Variants in GCFC2 observed in about 807,000 individuals in gnomAD.
GCFC2 encodes the protein GC-rich sequence DNA-binding factor 2, also known as intron Large complex component GCFC2.
GCFC2 carries 102 observed loss-of-function variants against 99.4 expected under a neutral mutation model. That is an observed-to-expected ratio of 1.03 (90% CI 0.87 to 1.21). The LOEUF is 1.21. GCFC2 is among the 50% of genes most tolerant of loss of function. The pLI, the probability that GCFC2 is intolerant of heterozygous loss-of-function variation, is 0.00. For synonymous variants in GCFC2, 338 were observed against 316.8 expected (o/e 1.07, Z -0.71); for missense variants, 973 against 920.9 (o/e 1.06, Z -0.73).
chr2:75,670,112 A>T (rs1679024993), intron 15 of GCFC2, 26 bp downstream of exon 15: 2 of 1,486,876 alleles, frequency 1.3e-6, no homozygotes, highest in Non-Finnish European at 1.8e-6. Context: ...TGATAAAATT[A>T]GAATCAGTCT....
At chr2:75,701,359 T>A in intron 3 of GCFC2, 72 bp from the exon 4 acceptor site, 1 of 836,830 alleles carries the variant, frequency 1.2e-6, no homozygotes, top group Non-Finnish European at 2.0e-6. Flanking sequence ...CAACATTTTT[T>A]GAGATTATAC....
chr2:75,683,771 C>CAAAAAAAAAAAAA (rs749580096), intron 11 of GCFC2, among the ~76,000 whole-genome samples: 3 of 60,420 alleles, frequency 5.0e-5, no homozygotes, highest in African/African-American at 1.3e-4. Context: ...AAATGGAAAG[C>CAAAAAAAAAAAAA]AAAAAAAAAA....
At chr2:75,666,692 T>G (rs1678849769) in intron 15 of GCFC2, among the ~76,000 whole-genome samples, 1 of 145,188 alleles carries the variant, frequency 6.9e-6, no homozygotes. Context: ...AACAGAAAAA[T>G]GTTAGAAAAA....
chr2:75,683,787 A>G (rs916762374), intron 11 of GCFC2, among the ~76,000 whole-genome samples: 3 of 150,550 alleles, frequency 2.0e-5, no homozygotes, highest in South Asian at 2.1e-4. Context: ...AAAAAAAAAA[A>G]AAAAAGAAAA....
intron 5 of GCFC2, among the ~76,000 whole-genome samples, chr2:75,695,735 T>C (rs1209196730): frequency 6.6e-6 from 1 of 152,178 alleles, no homozygotes; most frequent in Non-Finnish European, 1.5e-5. Context: ...AAGGGTTACC[T>C]GAACACAAGC....
rs373266832 is a variant in GCFC2, at chr2:75,691,963, C to T, written c.1144+14G>A. On this transcript the variant is annotated intron_variant, in intron 7 of 16. Transcript: ENST00000321027. ...AATGAATAATAAATTGTATGGAACA[C>T]GAAAAACACTAACGTGATAACTGTT... 12 of 1,410,244 alleles carry T rather than the reference C, an allele frequency of 8.5e-6. No homozygotes were observed. The highest frequency in any genetic ancestry group is 1.6e-5 in the South Asian group (1 of 62,032). The allele number at this position is 1,410,244 out of a possible 1,614,324, so 87.4% of individuals were successfully genotyped here. A position where few individuals can be genotyped will look rare whatever the true frequency, so the allele number is the denominator to read the frequency against.
intron 11 of GCFC2, among the ~76,000 whole-genome samples, chr2:75,683,905 G>A (rs75039460): frequency 2.6e-5 from 4 of 151,868 alleles, no homozygotes; most frequent in African/African-American, 9.7e-5. Context: ...GAAGGGATCA[G>A]TGCAACAGTA....
intron 9 of GCFC2, among the ~76,000 whole-genome samples, chr2:75,689,675 G>A (rs189564837): frequency 2.3e-4 from 35 of 152,190 alleles, no homozygotes; most frequent in African/African-American, 7.7e-4. Flanking sequence ...AGTTAAAAAT[G>A]ACAATATAGA....
At chr2:75,700,834 G>A (rs1262007376) in intron 4 of GCFC2, among the ~76,000 whole-genome samples, 1 of 152,138 alleles carries the variant, frequency 6.6e-6, no homozygotes, top group Non-Finnish European at 1.5e-5. Context: ...TTAAGTGAAG[G>A]ATCTTGGATT....
intron 1 of GCFC2, among the ~76,000 whole-genome samples, chr2:75,709,255 C>T (rs1681007369): frequency 6.6e-6 from 1 of 152,064 alleles, no homozygotes; most frequent in African/African-American, 2.4e-5. Flanking sequence ...GTCCAATTCC[C>T]AAAGAGTTTG....
rs1243958892 is a variant in GCFC2, at chr2:75,662,959, G to GTAAA, written c.*1703_*1706dup. ...ACACATAGAAACACGTAACATTTTT[G>GTAAA]TAAATAGAGAAAAGGTCTAAAAGGA... On this transcript the variant is annotated 3_prime_UTR_variant, in exon 17 of 17. Transcript: ENST00000321027. 6.7e-6 allele frequency: 1 copy of GTAAA among 149,092 alleles called. No individual in the cohort carries two copies. Among genetic ancestry groups the GTAAA allele is most frequent in the Non-Finnish European group, 1.5e-5 (1 of 67,482 alleles). The allele number at this position is 149,092 out of a possible 1,614,324, so 9.2% of individuals were successfully genotyped here.
At chr2:75,673,800 T>G (rs781536892) in intron 12 of GCFC2, among the ~76,000 whole-genome samples, 12 of 152,186 alleles carry the variant, frequency 7.9e-5, no homozygotes, top group Non-Finnish European at 1.5e-4. Flanking sequence ...AATGCTGCCA[T>G]AAAAATTCTT....
chr2:75,684,661 T>C (rs1679734279), intron 11 of GCFC2, among the ~76,000 whole-genome samples: 2 of 152,154 alleles, frequency 1.3e-5, no homozygotes, highest in Non-Finnish European at 1.5e-5. Context: ...TGCTCAAGGA[T>C]CTAGAACTAG....
chr2:75,689,386 A>G (rs575004383), intron 9 of GCFC2, among the ~76,000 whole-genome samples, 161 bp from the exon 10 acceptor site: 44 of 152,274 alleles, frequency 2.9e-4, no homozygotes, highest in Admixed American at 1.1e-3. Flanking sequence ...AAGTAATAAT[A>G]TCAACACTAA....
At chr2:75,667,219 A>G (rs1678882892) in intron 15 of GCFC2, among the ~76,000 whole-genome samples, 1 of 152,090 alleles carries the variant, frequency 6.6e-6, no homozygotes, top group Non-Finnish European at 1.5e-5. Flanking sequence ...TTTAGCTTAC[A>G]CTTTCATTAA....
chr2:75,701,985 G>A, intron 3 of GCFC2: 3 of 1,326,070 alleles, frequency 2.3e-6, no homozygotes, highest in African/African-American at 1.5e-5. Flanking sequence ...GGGAGGTCAG[G>A]CATTAATAAA....
At chr2:75,692,564 T>C (rs1487287541) in intron 6 of GCFC2, among the ~76,000 whole-genome samples, 1 of 151,908 alleles carries the variant, frequency 6.6e-6, no homozygotes, top group Non-Finnish European at 1.5e-5. Flanking sequence ...GGAGAATCGC[T>C]TGAACTCTGG....
chr2:75,693,228 C>T (rs1342784952), intron 6 of GCFC2, among the ~76,000 whole-genome samples: 2 of 152,062 alleles, frequency 1.3e-5, no homozygotes, highest in African/African-American at 2.4e-5. Context: ...TGCCTGAGCT[C>T]GGGAGTTCCA....
rs1455838479 is a variant in GCFC2, at chr2:75,689,243, C to A, written c.1340-18G>T. 7.2e-7 allele frequency: 1 copy of A among 1,386,508 alleles called. No homozygotes were observed. Among genetic ancestry groups the A allele is most frequent in the South Asian group, 1.2e-5 (1 of 83,340 alleles). 85.9% of individuals were successfully genotyped at this position (1,386,508 alleles called of 1,614,324 possible). A position where few individuals can be genotyped will look rare whatever the true frequency, so the allele number is the denominator to read the frequency against. ...AATGTCACCTGTAAACAAAATAAGT[C>A]TCTTTATGCATTTTAAGTTGTGAAC... On this transcript the variant is annotated intron_variant, in intron 9 of 16. Transcript: ENST00000321027.
Sources: gnomAD v4.1 joint callset for allele counts (sites outside exome capture counted in the v4.1 genomes callset) on GRCh38, gnomAD v4.1.1 for gene constraint, MANE v1.5 for transcripts, NCBI Gene and HGNC (gene_info 2026-07-23, HGNC 2026-07-21) for gene names.